CACNA2D1: variants seen among roughly 807,000 people sequenced by gnomAD.
CACNA2D1 encodes voltage-dependent calcium channel subunit alpha-2/delta-1.
In CACNA2D1, 53 loss-of-function variants were observed where a neutral mutation model predicts 171.5. The ratio of observed to expected loss-of-function variants is 0.31; its 90% CI spans 0.25 to 0.39. The LOEUF (loss-of-function observed/expected upper bound fraction) is 0.39. CACNA2D1 is among the 10% of genes least tolerant of loss of function. The pLI, the probability that CACNA2D1 is intolerant of heterozygous loss-of-function variation, is 1.00. For missense variants in CACNA2D1, 903 were observed against 1,299.8 expected, an observed-to-expected ratio of 0.69 and a Z score of 4.69; for synonymous variants, 442 against 443.1, an observed-to-expected ratio of 1.00 and a Z score of 0.03.
intron 3 of CACNA2D1, among the ~76,000 whole-genome samples, chr7:82,295,937 T>G (rs561585327): frequency 1.3e-4 from 19 of 151,956 alleles, no homozygotes; most frequent in Middle Eastern, 3.4e-3. Flanking sequence ...CCATAAAAAA[T>G]GATGAGTTCA....
At chr7:82,222,661 T>C (rs921656229) in intron 3 of CACNA2D1, among the ~76,000 whole-genome samples, 1 of 151,912 alleles carries the variant, frequency 6.6e-6, no homozygotes, top group Non-Finnish European at 1.5e-5. Flanking sequence ...AATACAACAC[T>C]TTTTTTTCCT....
At chr7:81,977,585 T>C (rs933004542) in intron 24 of CACNA2D1, among the ~76,000 whole-genome samples, 1 of 152,032 alleles carries the variant, frequency 6.6e-6, no homozygotes, top group African/African-American at 2.4e-5. Flanking sequence ...TATACAAAAA[T>C]TAACTCAAGT....
intron 3 of CACNA2D1, among the ~76,000 whole-genome samples, chr7:82,298,185 T>C (rs1812539940): frequency 6.6e-6 from 1 of 152,246 alleles, no homozygotes; most frequent in East Asian, 1.9e-4. Context: ...TAAAAACTAG[T>C]ATCATGTAAA....
At chr7:82,201,086 G>T (rs994677194) in intron 3 of CACNA2D1, among the ~76,000 whole-genome samples, 1 of 152,088 alleles carries the variant, frequency 6.6e-6, no homozygotes, top group Non-Finnish European at 1.5e-5. Context: ...TTGTTCATTT[G>T]CTCAACAAAT....
chr7:82,050,725 A>T, intron 10 of CACNA2D1: 1 of 680,066 alleles, frequency 1.5e-6, no homozygotes, highest in Non-Finnish European at 2.7e-6. Flanking sequence ...TGGTGGAAAA[A>T]TGTTGGAAGA....
At chr7:82,103,055 C>A (rs1213152645) in intron 6 of CACNA2D1, among the ~76,000 whole-genome samples, 2 of 152,198 alleles carry the variant, frequency 1.3e-5, no homozygotes, top group South Asian at 2.1e-4. Context: ...TGCTGGTAAT[C>A]CCAGCACTTT....
intron 4 of CACNA2D1, among the ~76,000 whole-genome samples, chr7:82,161,232 T>C (rs1794917077): frequency 1.3e-5 from 2 of 152,056 alleles, no homozygotes; most frequent in Middle Eastern, 3.4e-3. Context: ...TCTCTGAGGG[T>C]TTTATGGCTT....
chr7:82,246,783 G>C (rs1247792644), intron 3 of CACNA2D1, among the ~76,000 whole-genome samples: 1 of 152,172 alleles, frequency 6.6e-6, no homozygotes, highest in Non-Finnish European at 1.5e-5. Context: ...TGATGATATA[G>C]ACATAGGCAT....
At chr7:82,203,244 A>G (rs1018017473) in intron 3 of CACNA2D1, among the ~76,000 whole-genome samples, 1 of 152,064 alleles carries the variant, frequency 6.6e-6, no homozygotes, top group African/African-American at 2.4e-5. Context: ...ACCAGCACGG[A>G]TACATTCTGG....
intron 38 of CACNA2D1, among the ~76,000 whole-genome samples, chr7:81,951,730 A>G (rs554903711): frequency 1.4e-3 from 211 of 151,984 alleles, no homozygotes; most frequent in Admixed American, 4.4e-3. Flanking sequence ...ATTTTCTTTA[A>G]TCATTGGTTG....
At chr7:82,390,775 C>A (rs1585774969) in intron 1 of CACNA2D1, among the ~76,000 whole-genome samples, 1 of 151,756 alleles carries the variant, frequency 6.6e-6, no homozygotes. Flanking sequence ...AGCTCTGTAT[C>A]CAATATAGAA....
At chr7:82,426,325 A>G (rs1829183873) in intron 1 of CACNA2D1, among the ~76,000 whole-genome samples, 1 of 151,852 alleles carries the variant, frequency 6.6e-6, no homozygotes, top group Non-Finnish European at 1.5e-5. Context: ...TCATTTATTC[A>G]TGCCTCTACA....
intron 1 of CACNA2D1, among the ~76,000 whole-genome samples, chr7:82,432,275 A>G (rs993569339): frequency 1.3e-5 from 2 of 152,208 alleles, no homozygotes; most frequent in Non-Finnish European, 2.9e-5. Flanking sequence ...AACTCTTCTT[A>G]TCTCTTGCCA....
In CACNA2D1 at chr7:82,114,330, C is replaced by A. The variant is rs115933736; in HGVS notation, c.526+2714G>T. Reference sequence around the variant, plus strand: ...GCAAAAGAGTAAGAGAATGCAGATTCTAATGCAAAGTAAGTATCTTACTGC... The same window carrying A: ...GCAAAAGAGTAAGAGAATGCAGATTATAATGCAAAGTAAGTATCTTACTGC... On this transcript the variant is annotated intron_variant, in intron 6 of 38. Transcript: ENST00000356860. 7.2e-3 allele frequency among the ~76,000 whole-genome samples: 1,089 copies of A among 152,248 alleles called. 12 individuals are homozygous for A. The highest frequency in any genetic ancestry group is 0.025 in the African/African-American group (1,040 of 41,538).
chr7:81,957,986 C>A (rs1793629002), intron 38 of CACNA2D1, among the ~76,000 whole-genome samples: 1 of 152,024 alleles, frequency 6.6e-6, no homozygotes, highest in Non-Finnish European at 1.5e-5. Context: ...AGTGACATGA[C>A]CCTTGGCCCT....
At position 82,401,876 on chromosome 7, in the gene CACNA2D1, A is replaced by G. The variant is rs972801249; in HGVS notation, c.95+41489T>C. On this transcript the variant is annotated intron_variant, in intron 1 of 38. Transcript: ENST00000356860. ...GACAGAAAATGTGACAAATAGGTAA[A>G]CCATATAGTGTTTAGTATTTACATG... Among the ~76,000 whole-genome samples the G allele has an allele frequency of 4.6e-5, 7 of 152,292 alleles. No individual in the cohort carries two copies. The East Asian group carries it at 9.6e-4, about 21-fold the overall frequency.
chr7:82,126,346 A>G (rs2129063176), intron 5 of CACNA2D1, among the ~76,000 whole-genome samples: 1 of 152,344 alleles, frequency 6.6e-6, no homozygotes, highest in South Asian at 2.1e-4. Flanking sequence ...GTATTTGGAA[A>G]TAAAACATTG....
chr7:82,436,152 C>T (rs959858198), intron 1 of CACNA2D1, among the ~76,000 whole-genome samples: 4 of 151,810 alleles, frequency 2.6e-5, no homozygotes, highest in Non-Finnish European at 4.4e-5. Flanking sequence ...ATCATCATCA[C>T]GTTAATTGTT....
intron 38 of CACNA2D1, among the ~76,000 whole-genome samples, chr7:81,957,643 C>T (rs945614030): frequency 2.6e-5 from 4 of 151,988 alleles, no homozygotes; most frequent in East Asian, 3.9e-4. Context: ...TGGCAGTTAA[C>T]GTGAGTCTCC....
Sources: gnomAD v4.1 joint callset for allele counts (sites outside exome capture counted in the v4.1 genomes callset) on GRCh38, gnomAD v4.1.1 for gene constraint, MANE v1.5 for transcripts, NCBI Gene and HGNC (gene_info 2026-07-23, HGNC 2026-07-21) for gene names.